The following CADPS variants were observed in gnomAD, a reference collection of about 807,000 sequenced individuals.
The protein encoded by CADPS is calcium dependent secretion activator.
Under a neutral mutation model 167.3 loss-of-function variants are expected in CADPS, and 57 were observed. The observed-to-expected ratio is 0.34, with a 90% CI of 0.28 to 0.42. CADPS has a LOEUF of 0.42. Among genes scored for constraint, CADPS ranks in the 20% least tolerant of loss-of-function variants. The pLI is 1.00. For missense variants in CADPS, 1,414 were observed against 1,738.1 expected (o/e 0.81, Z 3.32); for synonymous variants, 676 against 635.3 (o/e 1.06, Z -0.96).
At chr3:62,562,632 G>A (rs2079380629) in intron 9 of CADPS, among the ~76,000 whole-genome samples, 1 of 152,182 alleles carries the variant, frequency 6.6e-6, no homozygotes, top group African/African-American at 2.4e-5. Flanking sequence ...ACTGCACCTG[G>A]CCTTCTGTGG....
chr3:62,691,747 T>C (rs1210122102), intron 3 of CADPS, among the ~76,000 whole-genome samples: 5 of 151,878 alleles, frequency 3.3e-5, no homozygotes, highest in East Asian at 1.9e-4. Flanking sequence ...CATGGACACA[T>C]AGCAGGGCAA....
At chr3:62,844,065 G>C (rs2153057557) in intron 1 of CADPS, among the ~76,000 whole-genome samples, 1 of 152,240 alleles carries the variant, frequency 6.6e-6, no homozygotes. Flanking sequence ...TTTCTCTAGA[G>C]GAGTGATTAT....
intron 7 of CADPS, among the ~76,000 whole-genome samples, chr3:62,591,918 C>T (rs1409196880): frequency 1.3e-5 from 2 of 152,034 alleles, no homozygotes; most frequent in Non-Finnish European, 2.9e-5. Context: ...TTGAATATTC[C>T]CATGGGATAT....
chr3:62,715,977 C>T (rs2084483538), intron 3 of CADPS, among the ~76,000 whole-genome samples: 1 of 151,970 alleles, frequency 6.6e-6, no homozygotes. Flanking sequence ...GATCTCCTGA[C>T]CTCATGATCC....
At chr3:62,698,144 T>C (rs542393411) in intron 3 of CADPS, among the ~76,000 whole-genome samples, 1 of 152,246 alleles carries the variant, frequency 6.6e-6, no homozygotes, top group African/African-American at 2.4e-5. Context: ...ACCTTAGGTC[T>C]CTTGTAATGG....
rs559382758 is a variant in CADPS, at chr3:62,433,365, A to G, written c.3777+4739T>C. On this transcript the variant is annotated intron_variant, in intron 28 of 29. Coordinates refer to ENST00000383710, the MANE Select transcript of CADPS (RefSeq NM_003716.4). This position sits in a 1 kb window ranked among gnomAD's most constrained non-coding sequence, Gnocchi z 4.7. ...AATCCGTGCGAGGCAAAGAATACTGAGTAGCAGCCCCTTCCGAAGCTGACC... is the reference window on the plus strand; with the variant it reads ...AATCCGTGCGAGGCAAAGAATACTGGGTAGCAGCCCCTTCCGAAGCTGACC... 1.3e-5 allele frequency among the ~76,000 whole-genome samples: 2 copies of G among 152,174 alleles called. No homozygotes were observed. Among genetic ancestry groups the G allele is most frequent in the African/African-American group, 2.4e-5 (1 of 41,450 alleles).
At position 62,689,086 on chromosome 3, in the gene CADPS, T is replaced by C. The variant is rs554084658; in HGVS notation, c.889-26692A>G. ...TGACAGCTTTCAAGAGTTTTAGTGA[T>C]ATTTATTCGTAGAAAAATTTCTTAG... On this transcript the variant is annotated intron_variant, in intron 3 of 29. Transcript: ENST00000383710. Among the ~76,000 whole-genome samples, 114 of 152,242 alleles carry C rather than the reference T, an allele frequency of 7.5e-4. 1 individual carries two copies. Among genetic ancestry groups the C allele is most frequent in the African/African-American group, 2.7e-3 (113 of 41,532 alleles).
At chr3:62,873,614 C>A (rs967113566) in intron 1 of CADPS, among the ~76,000 whole-genome samples, 3 of 108,762 alleles carry the variant, frequency 2.8e-5, no homozygotes, top group Non-Finnish European at 5.7e-5. Context: ...TAGAAATAGG[C>A]GCCTTTTTTT....
At chr3:62,825,739 T>A (rs2073924902) in intron 1 of CADPS, among the ~76,000 whole-genome samples, 1 of 152,168 alleles carries the variant, frequency 6.6e-6, no homozygotes, top group African/African-American at 2.4e-5. Flanking sequence ...GAAAATAACT[T>A]TAAACTTTGA....
intron 17 of CADPS, among the ~76,000 whole-genome samples, chr3:62,508,261 C>T (rs1427754160): frequency 6.6e-6 from 1 of 152,184 alleles, no homozygotes; most frequent in Non-Finnish European, 1.5e-5. Context: ...GGACAAGAGA[C>T]TGGAGAGTCA....
At chr3:62,444,252 C>A (rs958495722) in intron 27 of CADPS, among the ~76,000 whole-genome samples, 1 of 152,192 alleles carries the variant, frequency 6.6e-6, no homozygotes, top group East Asian at 1.9e-4. Flanking sequence ...TGGAGCCCAA[C>A]GCTGATGTCT....
Position 62,478,221 on chromosome 3 carries a change from G to A in CADPS, c.3329+40C>T. The A allele has an allele frequency of 6.2e-7, 1 of 1,607,272 alleles. No homozygotes were observed. The highest frequency in any genetic ancestry group is 1.9e-4 in the Middle Eastern group (1 of 5,294). On this transcript the variant is annotated intron_variant, in intron 23 of 29. Coordinates refer to ENST00000383710, the MANE Select transcript of CADPS (RefSeq NM_003716.4). This position sits in a 1 kb window ranked among gnomAD's most constrained non-coding sequence, Gnocchi z 5.7. ...ACCCTTCCCTGAGTCTGTGTATGGTGGGGAGGGTGTGCAGAACCTGTCCAG... is the reference window on the plus strand; with the variant it reads ...ACCCTTCCCTGAGTCTGTGTATGGTAGGGAGGGTGTGCAGAACCTGTCCAG...
chr3:62,579,292 T>A (rs2082923286), intron 8 of CADPS, among the ~76,000 whole-genome samples: 1 of 152,168 alleles, frequency 6.6e-6, no homozygotes, highest in African/African-American at 2.4e-5. Flanking sequence ...AGCTCCAATT[T>A]CTCTAAGTGT....
At position 62,599,891 on chromosome 3, in the gene CADPS, T is replaced by A. The variant is rs1159422857; in HGVS notation, c.1326-7143A>T. ...ATAATAATATATAATATATATATATTATATATACCATATTATATATAATAT... is the reference window on the plus strand; with the variant it reads ...ATAATAATATATAATATATATATATAATATATACCATATTATATATAATAT... On this transcript the variant is annotated intron_variant, in intron 6 of 29. Coordinates refer to ENST00000383710, the MANE Select transcript of CADPS (RefSeq NM_003716.4). Among the ~76,000 whole-genome samples, 146 of 76,444 alleles carry A rather than the reference T, an allele frequency of 1.9e-3. 1 individual carries two copies. Among genetic ancestry groups the A allele is most frequent in the African/African-American group, 7.2e-3 (139 of 19,330 alleles). The allele number at this position is 76,444 out of a possible 152,430, so 50.2% of individuals were successfully genotyped here. A position where few individuals can be genotyped will look rare whatever the true frequency, so the allele number is the denominator to read the frequency against.
chr3:62,863,966 T>C (rs1350781793), intron 1 of CADPS, among the ~76,000 whole-genome samples: 2 of 152,052 alleles, frequency 1.3e-5, no homozygotes, highest in Admixed American at 1.3e-4. Context: ...GCCATGGAGG[T>C]CAATGCTCCT....
chr3:62,478,227 G>A lies in CADPS; in HGVS notation c.3329+34C>T, dbSNP rs778200710. 3.1e-6 allele frequency: 5 copies of A among 1,610,078 alleles called. No homozygotes were observed. Among genetic ancestry groups the A allele is most frequent in the Non-Finnish European group, 3.4e-6 (4 of 1,177,358 alleles). ...CCCTGAGTCTGTGTATGGTGGGGAG[G>A]GTGTGCAGAACCTGTCCAGCCACCT... On this transcript the variant is annotated intron_variant, in intron 23 of 29. Transcript: ENST00000383710. The surrounding 1 kb of genome is among the most constrained non-coding windows in gnomAD (Gnocchi z 5.7).
At chr3:62,587,295 T>C (rs1008190413) in intron 7 of CADPS, among the ~76,000 whole-genome samples, 8 of 152,222 alleles carry the variant, frequency 5.3e-5, no homozygotes, top group African/African-American at 1.4e-4. Context: ...CAACATATCA[T>C]AGGACAGATG....
rs77607806 is a variant in CADPS, at chr3:62,718,616, G to T, written c.888+34825C>A. 3.7e-3 allele frequency among the ~76,000 whole-genome samples: 559 copies of T among 152,294 alleles called. 2 individuals are homozygous for T. The highest frequency in any genetic ancestry group is 0.017 in the Middle Eastern group (5 of 294). On this transcript the variant is annotated intron_variant, in intron 3 of 29. Coordinates refer to ENST00000383710, the MANE Select transcript of CADPS (RefSeq NM_003716.4). Reference sequence around the variant, plus strand: ...ATTCATGTGTAGACATGAGACTGGGGTGGGCTCAGTAGGTTGAGTCAGTTT... The same window carrying T: ...ATTCATGTGTAGACATGAGACTGGGTTGGGCTCAGTAGGTTGAGTCAGTTT...
At chr3:62,598,151 G>C (rs1238074114) in intron 6 of CADPS, among the ~76,000 whole-genome samples, 1 of 152,058 alleles carries the variant, frequency 6.6e-6, no homozygotes, top group Non-Finnish European at 1.5e-5. Context: ...TAAGAATTTC[G>C]AGATGGCAAC....
Sources: allele counts gnomAD v4.1 joint callset (sites outside exome capture counted in the v4.1 genomes callset), GRCh38; gene constraint gnomAD v4.1.1; non-coding constraint Gnocchi (gnomAD v3.1); transcripts MANE v1.5; gene names NCBI Gene and HGNC (gene_info 2026-07-23, HGNC 2026-07-21).